PALM2AKAP2: variants seen among roughly 807,000 people sequenced by gnomAD.
PALM2AKAP2 encodes PALM2 and AKAP2 fusion.
A neutral mutation model predicts 71.5 loss-of-function variants in PALM2AKAP2; 37 were observed. That is an observed-to-expected ratio of 0.52 (90% CI 0.40 to 0.68). The LOEUF is 0.68. PALM2AKAP2 is among the 30% of genes least tolerant of loss of function. The pLI is 0.00. For missense variants in PALM2AKAP2, 1,224 were observed against 1,191.8 expected (o/e 1.03, Z -0.40); for synonymous variants, 468 against 478.8 (o/e 0.98, Z 0.29).
At chr9:109,821,912 GA>G in intron 1 of PALM2AKAP2, among the ~76,000 whole-genome samples, 1 of 152,292 alleles carries the variant, frequency 6.6e-6, no homozygotes, top group South Asian at 2.1e-4. Context: ...GGGACCAAAG[GA>G]ATTTTTTGTA....
chr9:110,009,599 A>T (rs959730217), intron 6 of PALM2AKAP2, among the ~76,000 whole-genome samples: 2 of 151,790 alleles, frequency 1.3e-5, no homozygotes, highest in African/African-American at 4.8e-5. Flanking sequence ...CTGTAGTCCC[A>T]ACTACCCCAG....
chr9:109,691,959 T>C (rs1014315544), intron 1 of PALM2AKAP2, among the ~76,000 whole-genome samples: 8 of 136,648 alleles, frequency 5.9e-5, no homozygotes, highest in East Asian at 4.1e-4. Context: ...TATATATACA[T>C]ATATATCTCC....
At chr9:109,645,931 C>A (rs1827145872) in intron 1 of PALM2AKAP2, among the ~76,000 whole-genome samples, 1 of 152,012 alleles carries the variant, frequency 6.6e-6, no homozygotes, top group African/African-American at 2.4e-5. Flanking sequence ...AAAGGTCTAT[C>A]TTGGAAAAGA....
chr9:110,023,565 C>T (rs895613909), intron 7 of PALM2AKAP2, among the ~76,000 whole-genome samples: 3 of 152,098 alleles, frequency 2.0e-5, no homozygotes, highest in Non-Finnish European at 2.9e-5. Flanking sequence ...CCACCCGCCT[C>T]GGCCTCACAA....
At chr9:110,029,269 G>A (rs998703858) in intron 7 of PALM2AKAP2, among the ~76,000 whole-genome samples, 10 of 152,130 alleles carry the variant, frequency 6.6e-5, no homozygotes, top group African/African-American at 2.2e-4. Flanking sequence ...CCTTATTCTA[G>A]GATCTTCTTT....
intron 3 of PALM2AKAP2, among the ~76,000 whole-genome samples, chr9:109,912,461 G>A (rs1262012745): frequency 1.3e-5 from 2 of 152,172 alleles, no homozygotes; most frequent in Non-Finnish European, 2.9e-5. Flanking sequence ...ATGATCTGCC[G>A]TGACTCCAGA....
At chr9:109,977,882 T>C (rs1394181368) in intron 6 of PALM2AKAP2, among the ~76,000 whole-genome samples, 3 of 152,126 alleles carry the variant, frequency 2.0e-5, no homozygotes, top group Non-Finnish European at 4.4e-5. Context: ...AGACCTGGTT[T>C]CTGGATTCTG....
At chr9:110,011,814 C>A (rs1297827829) in intron 6 of PALM2AKAP2, among the ~76,000 whole-genome samples, 1 of 152,202 alleles carries the variant, frequency 6.6e-6, no homozygotes, top group Non-Finnish European at 1.5e-5. Flanking sequence ...CATGGGCACA[C>A]AGCTGCTCTC....
chr9:109,961,110 G>T (rs1484151505), intron 6 of PALM2AKAP2, among the ~76,000 whole-genome samples: 1 of 152,216 alleles, frequency 6.6e-6, no homozygotes, highest in African/African-American at 2.4e-5. Flanking sequence ...TCTTGGAGTT[G>T]TTCAGTGCAT....
intron 6 of PALM2AKAP2, chr9:109,943,108 G>T (rs1831415552): frequency 1.9e-6 from 3 of 1,614,228 alleles, no homozygotes; most frequent in Non-Finnish European, 2.5e-6. Context: ...GGCAAACTTG[G>T]ATCAGCCCGT....
At chr9:109,680,086 CT>C (rs1827706758) in intron 1 of PALM2AKAP2, among the ~76,000 whole-genome samples, 1 of 152,204 alleles carries the variant, frequency 6.6e-6, no homozygotes, top group Non-Finnish European at 1.5e-5. Flanking sequence ...GAACTAACCA[CT>C]TTTGATCAAT....
intron 6 of PALM2AKAP2, among the ~76,000 whole-genome samples, chr9:109,954,082 C>A (rs1831699543): frequency 6.6e-6 from 1 of 152,126 alleles, no homozygotes; most frequent in African/African-American, 2.4e-5. Flanking sequence ...GTTTTCTTAT[C>A]TGTTCATCAG....
At chr9:109,918,522 G>A (rs925784396) in intron 3 of PALM2AKAP2, among the ~76,000 whole-genome samples, 39 of 152,218 alleles carry the variant, frequency 2.6e-4, no homozygotes, top group African/African-American at 9.2e-4. Context: ...TTAACCTTGC[G>A]TGTAAATTAC....
In PALM2AKAP2 at chr9:110,033,696, C is replaced by A. The variant is rs12000761; in HGVS notation, c.582+17657C>A. On this transcript the variant is annotated intron_variant, in intron 7 of 9. Coordinates refer to the PALM2AKAP2 transcript ENST00000302798. ...AATGAGTAAATATTTCTTTTAGAAT[C>A]AAAAAATATTTTAATTAAAATGTAA... 9.0e-3 allele frequency among the ~76,000 whole-genome samples: 1,362 copies of A among 152,148 alleles called. 28 individuals carry two copies. The highest frequency in any genetic ancestry group is 0.032 in the African/African-American group (1,312 of 41,498).
At chr9:110,165,886 A>G (rs1046933239) in intron 3 of PALM2AKAP2, among the ~76,000 whole-genome samples, 2 of 152,210 alleles carry the variant, frequency 1.3e-5, no homozygotes, top group Admixed American at 1.3e-4. Context: ...AGCAAACTCA[A>G]TTTGCTCAAG....
At chr9:109,778,832 G>C (rs1001235320), upstream of PALM2AKAP2, among the ~76,000 whole-genome samples, 24 of 148,270 alleles carry the variant, frequency 1.6e-4, no homozygotes, top group African/African-American at 5.5e-4. Context: ...GCAATGATGT[G>C]ATCTCGGCTC....
intron 6 of PALM2AKAP2, among the ~76,000 whole-genome samples, chr9:110,005,159 A>G (rs1832753550): frequency 1.3e-5 from 2 of 152,090 alleles, no homozygotes; most frequent in East Asian, 1.9e-4. Context: ...TTGTGGTTTT[A>G]TCTACCTTTG....
intron 2 of PALM2AKAP2, among the ~76,000 whole-genome samples, chr9:110,151,850 C>A (rs1023525841): frequency 6.6e-6 from 1 of 152,216 alleles, no homozygotes; most frequent in Non-Finnish European, 1.5e-5. Context: ...TCAGGGCTGG[C>A]CATCAGCCAA....
At chr9:110,081,182 TATGCACA>T (rs1434520324) in intron 1 of PALM2AKAP2, among the ~76,000 whole-genome samples, 2 of 152,328 alleles carry the variant, frequency 1.3e-5, no homozygotes, top group Admixed American at 6.5e-5. Flanking sequence ...GCAGAAAGAA[TATGCACA>T]TTGAGTAAGT....
Sources: gnomAD v4.1 joint callset for allele counts (sites outside exome capture counted in the v4.1 genomes callset) on GRCh38, gnomAD v4.1.1 for gene constraint, MANE v1.5 for transcripts, NCBI Gene and HGNC (gene_info 2026-07-23, HGNC 2026-07-21) for gene names.